The following TARS1 variants were observed in gnomAD, a reference collection of about 807,000 sequenced individuals.
TARS1 encodes threonyl-tRNA synthetase 1.
In TARS1, 57 loss-of-function variants were observed where a neutral mutation model predicts 97.7. The ratio of observed to expected loss-of-function variants is 0.58; its 90% CI spans 0.47 to 0.73. The LOEUF (loss-of-function observed/expected upper bound fraction) is 0.73, where lower values mean the gene tolerates loss of function less well. Ranked by LOEUF, TARS1 falls within the 30% of genes least tolerant of loss-of-function variation. TARS1 has a pLI of 0.00. For missense variants in TARS1, 806 were observed against 888.3 expected, an observed-to-expected ratio of 0.91 and a Z score of 1.18; for synonymous variants, 312 against 293.7, an observed-to-expected ratio of 1.06 and a Z score of -0.64.
chr5:33,441,017 C>G lies in TARS1; in HGVS notation c.-70C>G. ...CAAGTCCCGGGCGCTAGCCCACCTC[C>G]CACCCGCCTCTTGGCTCCTCTCCTC... On this transcript the variant is annotated 5_prime_UTR_variant, in exon 1 of 19. Transcript: ENST00000265112. The G allele has an allele frequency of 3.7e-6, 6 of 1,602,130 alleles. No homozygotes were observed. The highest frequency in any genetic ancestry group is 5.1e-6 in the Non-Finnish European group (6 of 1,170,556).
chr5:33,443,360 T>A (rs1377207584), intron 1 of TARS1, among the ~76,000 whole-genome samples: 2 of 138,180 alleles, frequency 1.4e-5, no homozygotes, highest in Non-Finnish European at 3.2e-5. Flanking sequence ...TCTCTCTCTC[T>A]CACTACCCCT....
chr5:33,459,956 A>T, intron 11 of TARS1, 95 bp downstream of exon 11: 1 of 1,380,342 alleles, frequency 7.2e-7, no homozygotes, highest in Non-Finnish European at 9.9e-7. Context: ...ATTAAAAACA[A>T]ATTATGTGAT....
chr5:33,449,750 C>T (rs896765231), intron 3 of TARS1, among the ~76,000 whole-genome samples: 21 of 151,914 alleles, frequency 1.4e-4, no homozygotes, highest in African/African-American at 5.1e-4. Flanking sequence ...CCACCGCGCC[C>T]AGCCAAAAAT....
intron 11 of TARS1, 167 bp downstream of exon 11, chr5:33,460,028 C>CTTTTTTT: frequency 7.9e-6 from 3 of 379,728 alleles, no homozygotes; most frequent in Non-Finnish European, 1.3e-5. Flanking sequence ...TAGATCCCCA[C>CTTTTTTT]TTTTTTTTTT....
intron 9 of TARS1, among the ~76,000 whole-genome samples, chr5:33,458,212 A>G (rs562026939): frequency 1.5e-4 from 23 of 152,342 alleles, no homozygotes; most frequent in Admixed American, 5.9e-4. Flanking sequence ...CATAAATAAA[A>G]TGAAAAAAGA....
chr5:33,458,751 G>C, intron 10 of TARS1, 87 bp downstream of exon 10: 1 of 1,055,548 alleles, frequency 9.5e-7, no homozygotes, highest in Non-Finnish European at 1.4e-6. Flanking sequence ...AAGATAATCT[G>C]TATTTGAGAA....
intron 1 of TARS1, among the ~76,000 whole-genome samples, chr5:33,444,461 T>C (rs369989543): frequency 6.6e-6 from 1 of 152,222 alleles, no homozygotes; most frequent in Non-Finnish European, 1.5e-5. Context: ...TGCAAACTAA[T>C]TAAAATCCCT....
At chr5:33,463,862 T>A (rs1341297953) in intron 17 of TARS1, 37 bp downstream of exon 17, 1 of 1,561,796 alleles carries the variant, frequency 6.4e-7, no homozygotes, top group Admixed American at 1.7e-5. Context: ...CAATTTAACA[T>A]CTGTTGTTCA....
intron 3 of TARS1, among the ~76,000 whole-genome samples, chr5:33,450,062 C>A (rs116202547): frequency 2.0e-5 from 3 of 152,150 alleles, no homozygotes; most frequent in Non-Finnish European, 4.4e-5. Flanking sequence ...AGAATCCTTG[C>A]AGATTTTCAT....
At chr5:33,458,174 A>G (rs143966410) in intron 9 of TARS1, among the ~76,000 whole-genome samples, 1 of 152,292 alleles carries the variant, frequency 6.6e-6, no homozygotes, top group African/African-American at 2.4e-5. Context: ...CTCCTTCCTG[A>G]TACTCTTACT....
intron 2 of TARS1, among the ~76,000 whole-genome samples, chr5:33,447,937 C>T (rs894107101): frequency 6.6e-6 from 1 of 152,162 alleles, no homozygotes; most frequent in African/African-American, 2.4e-5. Flanking sequence ...CTTTGCCAAA[C>T]CTCTAGAAAC....
chr5:33,450,718 T>A (rs867426320), intron 3 of TARS1, among the ~76,000 whole-genome samples: 2 of 152,348 alleles, frequency 1.3e-5, no homozygotes, highest in South Asian at 4.1e-4. Flanking sequence ...TTCTGTTAGT[T>A]TGGGAACTTT....
Position 33,467,976 on chromosome 5 carries a change from G to A in TARS1, c.*268G>A, listed in dbSNP as rs1003613899. The A allele has an allele frequency of 1.9e-5, 6 of 315,728 alleles. No individual in the cohort carries two copies. The highest frequency in any genetic ancestry group is 8.6e-5 in the African/African-American group (4 of 46,688). The allele number at this position is 315,728 out of a possible 1,614,324, so 19.6% of individuals were successfully genotyped here. ...AGTGAAACATGAGGAATGCTTTAGT[G>A]TAATGTGGGAGAACTTTTTTGTAAA... On this transcript the variant is annotated 3_prime_UTR_variant, in exon 19 of 19. Transcript: ENST00000265112.
At chr5:33,460,022 T>A in intron 11 of TARS1, 161 bp downstream of exon 11, 3 of 594,060 alleles carry the variant, frequency 5.0e-6, no homozygotes, top group Non-Finnish European at 5.2e-6. Flanking sequence ...CCTGATTAGA[T>A]CCCCACTTTT....
intron 3 of TARS1, among the ~76,000 whole-genome samples, chr5:33,451,278 G>A (rs2111952261): frequency 6.6e-6 from 1 of 152,068 alleles, no homozygotes; most frequent in South Asian, 2.1e-4. Context: ...GCTATTTAAA[G>A]ATTCACATAA....
chr5:33,442,303 T>C (rs922035643), intron 1 of TARS1, among the ~76,000 whole-genome samples: 1 of 151,388 alleles, frequency 6.6e-6, no homozygotes, highest in Non-Finnish European at 1.5e-5. Context: ...TAAAATGATA[T>C]TTTTACTGTT....
intron 11 of TARS1, 186 bp downstream of exon 11, chr5:33,460,047 TAAAGAG>T: frequency 1.9e-6 from 1 of 515,286 alleles, no homozygotes; most frequent in Non-Finnish European, 3.2e-6. Flanking sequence ...TTTTTTTTTT[TAAAGAG>T]GTCTTCCAAC....
chr5:33,463,657 C>T, intron 16 of TARS1, 96 bp from the exon 17 acceptor site: 1 of 1,077,744 alleles, frequency 9.3e-7, no homozygotes, highest in Non-Finnish European at 1.4e-6. Flanking sequence ...TTACATGTTC[C>T]AGGAAAAGAT....
intron 16 of TARS1, among the ~76,000 whole-genome samples, chr5:33,463,393 A>G (rs1422392638): frequency 6.6e-6 from 1 of 152,226 alleles, no homozygotes; most frequent in Non-Finnish European, 1.5e-5. Context: ...ATGAACAATT[A>G]ATCACTACAT....
Sources: allele counts gnomAD v4.1 joint callset (sites outside exome capture counted in the v4.1 genomes callset), GRCh38; gene constraint gnomAD v4.1.1; transcripts MANE v1.5; gene names NCBI Gene and HGNC (gene_info 2026-07-23, HGNC 2026-07-21).